Variants in CSGALNACT1 observed in about 807,000 individuals in gnomAD.
CSGALNACT1 encodes beta4GalNAcT-1.
In CSGALNACT1, 52 loss-of-function variants were observed where a neutral mutation model predicts 51.0. The observed-to-expected ratio is 1.02, with a 90% CI of 0.82 to 1.29. The LOEUF (loss-of-function observed/expected upper bound fraction) is 1.29, where lower values mean the gene tolerates loss of function less well. Ranked by LOEUF, CSGALNACT1 falls within the 50% of genes most tolerant of loss-of-function variation. The pLI is 0.00. For missense variants in CSGALNACT1, 935 were observed against 679.2 expected (o/e 1.38, Z -4.19); for synonymous variants, 341 against 254.4 (o/e 1.34, Z -3.24).
At chr8:19,480,233 A>G (rs2070983868) in intron 4 of CSGALNACT1, among the ~76,000 whole-genome samples, 5 of 152,148 alleles carry the variant, frequency 3.3e-5, no homozygotes, top group Admixed American at 3.3e-4. Flanking sequence ...CCTAGTACCT[A>G]TTATTTTTCC....
At chr8:19,441,875 A>AC in intron 5 of CSGALNACT1, among the ~76,000 whole-genome samples, 1 of 147,634 alleles carries the variant, frequency 6.8e-6, no homozygotes, top group Non-Finnish European at 1.5e-5. Context: ...ATTTACAAGA[A>AC]AAAACAAACA....
At chr8:19,606,509 C>T (rs1300731793), upstream of CSGALNACT1, among the ~76,000 whole-genome samples, 2 of 152,160 alleles carry the variant, frequency 1.3e-5, no homozygotes, top group East Asian at 1.9e-4. Flanking sequence ...AATTTTACTG[C>T]AAATAGTATG....
At chr8:19,628,448 A>C (rs1254218982) in intron 1 of CSGALNACT1, among the ~76,000 whole-genome samples, 3 of 152,208 alleles carry the variant, frequency 2.0e-5, no homozygotes, top group African/African-American at 7.2e-5. Context: ...CCCTCCCTTG[A>C]TACATGGGGA....
At chr8:19,476,000 G>A (rs534358784) in intron 4 of CSGALNACT1, among the ~76,000 whole-genome samples, 4 of 152,278 alleles carry the variant, frequency 2.6e-5, no homozygotes, top group African/African-American at 7.2e-5. Context: ...CAATGAAACA[G>A]AAGAAAGACA....
At chr8:19,557,432 C>T (rs2039712136) in intron 3 of CSGALNACT1, among the ~76,000 whole-genome samples, 1 of 152,182 alleles carries the variant, frequency 6.6e-6, no homozygotes, top group African/African-American at 2.4e-5. Context: ...CAATACATCC[C>T]AAATCCTGGA....
At chr8:19,656,826 G>C (rs982808384) in intron 1 of CSGALNACT1, among the ~76,000 whole-genome samples, 6 of 152,138 alleles carry the variant, frequency 3.9e-5, no homozygotes, top group African/African-American at 1.2e-4. Context: ...CCAGCACTTT[G>C]GGAGGCCAAG....
chr8:19,484,623 C>T (rs1304939396), intron 4 of CSGALNACT1, among the ~76,000 whole-genome samples: 3 of 152,176 alleles, frequency 2.0e-5, no homozygotes, highest in Non-Finnish European at 4.4e-5. Flanking sequence ...TGTAATCACG[C>T]AATTCCTCCA....
At chr8:19,552,676 G>A (rs1368820285) in intron 3 of CSGALNACT1, among the ~76,000 whole-genome samples, 2 of 152,184 alleles carry the variant, frequency 1.3e-5, no homozygotes, top group African/African-American at 4.8e-5. Context: ...TCAATACTGA[G>A]ATGAAAATTT....
At chr8:19,450,699 T>C (rs1390076101) in intron 5 of CSGALNACT1, among the ~76,000 whole-genome samples, 1 of 152,078 alleles carries the variant, frequency 6.6e-6, no homozygotes, top group Non-Finnish European at 1.5e-5. Flanking sequence ...AGATGATCAC[T>C]TGAGGTCAGG....
Position 19,736,629 on chromosome 8 carries a change from C to T in CSGALNACT1, c.-297+21221G>A, listed in dbSNP as rs926307004. Among the ~76,000 whole-genome samples, 8 of 151,894 alleles carry T rather than the reference C, an allele frequency of 5.3e-5. No individual in the cohort carries two copies. In the South Asian group the frequency reaches 6.2e-4, roughly 12 times the overall value. ...ATGTCTGTACGTTGACATTAGAAAC[C>T]GAATAGATGGTCTACATGTTGTATT... is the stretch of plus-strand genomic sequence containing the variant. On this transcript the variant is annotated intron_variant, in intron 1 of 1. Transcript: ENST00000517494.
At chr8:19,507,508 T>G (rs1342373808) in intron 3 of CSGALNACT1, among the ~76,000 whole-genome samples, 1 of 127,676 alleles carries the variant, frequency 7.8e-6, no homozygotes, top group Non-Finnish European at 1.6e-5. Flanking sequence ...TTCCTTGTCT[T>G]CCCCTACCCA....
chr8:19,421,374 G>A (rs914909956), intron 6 of CSGALNACT1, among the ~76,000 whole-genome samples: 1 of 152,206 alleles, frequency 6.6e-6, no homozygotes, highest in Non-Finnish European at 1.5e-5. Flanking sequence ...TTCTGAAATG[G>A]GGCCTGTCTT....
At chr8:19,666,813 G>GAAAGAAAGAAAGAA (rs1564383282) in intron 1 of CSGALNACT1, among the ~76,000 whole-genome samples, 10 of 23,970 alleles carry the variant, frequency 4.2e-4, no homozygotes, top group African/African-American at 5.9e-4. Context: ...GAAAGAAAGA[G>GAAAGAAAGAAAGAA]AGAGAGAGAG....
chr8:19,408,468 CTTTTTTTTT>C lies in CSGALNACT1; in HGVS notation c.1309+136_1309+144del, dbSNP rs1186216767. 0.019 allele frequency: 8,952 copies of C among 465,722 alleles called. 96 individuals carry two copies. Among genetic ancestry groups the C allele is most frequent in the Non-Finnish European group, 0.023 (6,300 of 273,482 alleles). 28.8% of individuals were successfully genotyped at this position (465,722 alleles called of 1,614,324 possible). On this transcript the variant is annotated intron_variant, in intron 9 of 9. Coordinates refer to ENST00000454498, the Ensembl canonical transcript of CSGALNACT1. ...AGCCACCGCACCTAGTCTGGAATAG[CTTTTTTTTT>C]TTTTTTTTTTTTTTTTTTTTGAAGG...
At chr8:19,467,829 AC>A (rs1435102640) in intron 4 of CSGALNACT1, among the ~76,000 whole-genome samples, 2 of 152,120 alleles carry the variant, frequency 1.3e-5, no homozygotes, top group Admixed American at 6.5e-5. Context: ...CACAAAAAAT[AC>A]TAAAAATTAG....
At chr8:19,523,486 T>A (rs1006935830) in intron 3 of CSGALNACT1, among the ~76,000 whole-genome samples, 2 of 152,000 alleles carry the variant, frequency 1.3e-5, no homozygotes, top group Admixed American at 6.6e-5. Flanking sequence ...TCCAGGTTGG[T>A]CTTGGACTCC....
Position 19,484,442 on chromosome 8 carries a change from T to A in CSGALNACT1, c.634+20759A>T, listed in dbSNP as rs114896583. On this transcript the variant is annotated intron_variant, in intron 4 of 9. Transcript: ENST00000454498. ...AATGATATTTATTTATTTTAATTTATAAAGGAAAGAGGTTTAATGCACTCA... is the reference window on the plus strand; with the variant it reads ...AATGATATTTATTTATTTTAATTTAAAAAGGAAAGAGGTTTAATGCACTCA... Among the ~76,000 whole-genome samples the A allele has an allele frequency of 5.7e-3, 867 of 152,188 alleles. 10 individuals are homozygous for A. Among genetic ancestry groups the A allele is most frequent in the African/African-American group, 0.02 (838 of 41,498 alleles).
At chr8:19,489,804 A>G (rs561945853) in intron 4 of CSGALNACT1, among the ~76,000 whole-genome samples, 1 of 152,296 alleles carries the variant, frequency 6.6e-6, no homozygotes, top group African/African-American at 2.4e-5. Context: ...ATTAAAACCA[A>G]AAATCTCTCC....
chr8:19,691,570 G>C (rs2061324241), intron 1 of CSGALNACT1, among the ~76,000 whole-genome samples: 1 of 152,196 alleles, frequency 6.6e-6, no homozygotes, highest in South Asian at 2.1e-4. Context: ...ACCCAGTCCT[G>C]CAGCTCCACA....
Sources: allele counts gnomAD v4.1 joint callset (sites outside exome capture counted in the v4.1 genomes callset), GRCh38; gene constraint gnomAD v4.1.1; transcripts MANE v1.5; gene names NCBI Gene and HGNC (gene_info 2026-07-23, HGNC 2026-07-21).